Variants in PNPLA6 observed in about 807,000 individuals in gnomAD.
PNPLA6 encodes patatin-like phospholipase domain-containing protein 6.
In PNPLA6, 105 loss-of-function variants were observed where a neutral mutation model predicts 153.7. The ratio of observed to expected loss-of-function variants is 0.68; its 90% CI spans 0.58 to 0.80. PNPLA6 has a LOEUF of 0.80. Ranked by LOEUF, PNPLA6 falls within the 30% of genes least tolerant of loss-of-function variation. The probability of loss-of-function intolerance (pLI) is 0.00; values close to 1 mark genes in which losing one functional copy is unlikely to be tolerated. For synonymous variants in PNPLA6, 825 were observed against 822.2 expected, an observed-to-expected ratio of 1.00 and a Z score of -0.06; for missense variants, 1,423 against 1,919.3, an observed-to-expected ratio of 0.74 and a Z score of 4.83.
chr19:7,547,545 G>A (rs2023434441), intron 13 of PNPLA6, among the ~76,000 whole-genome samples: 1 of 152,058 alleles, frequency 6.6e-6, no homozygotes, highest in Non-Finnish European at 1.5e-5. Flanking sequence ...TGTTGCCCAG[G>A]CTGGTCTCCA....
intron 3 of PNPLA6, among the ~76,000 whole-genome samples, chr19:7,539,189 T>C (rs1277587281): frequency 1.3e-5 from 2 of 152,196 alleles, no homozygotes; most frequent in East Asian, 3.8e-4. Context: ...CCAAAATAAA[T>C]GTGGCCAGCC....
Position 7,555,525 on chromosome 19 carries a change from T to C in PNPLA6, c.2937-82T>C, listed in dbSNP as rs958522080. ...GGGCGGGTCCTTTGTTCCTTAGCAGTGCGGGAGGTGGGAGGAGGTAGGGGC... is the reference window on the plus strand; with the variant it reads ...GGGCGGGTCCTTTGTTCCTTAGCAGCGCGGGAGGTGGGAGGAGGTAGGGGC... On this transcript the variant is annotated intron_variant, in intron 23 of 31. Coordinates refer to ENST00000600737, the MANE Select transcript of PNPLA6 (RefSeq NM_001166114.2). The surrounding 1 kb of genome is among the most constrained non-coding windows in gnomAD (Gnocchi z 6.3). 1 of 1,503,976 alleles carries C rather than the reference T, an allele frequency of 6.6e-7. No individual in the cohort carries two copies. Among genetic ancestry groups the C allele is most frequent in the African/African-American group, 1.4e-5 (1 of 72,624 alleles). 93.2% of individuals were successfully genotyped at this position (1,503,976 alleles called of 1,614,324 possible).
rs1224733072 is a variant in PNPLA6, at chr19:7,547,800, G to T, written c.1609-2107G>T. ...CTATAGACACATGCTACCATGCCTG[G>T]CTAATTAAAAATTTTTTTTTTTTTT... On this transcript the variant is annotated intron_variant, in intron 13 of 31. Transcript: ENST00000600737. 8.3e-5 allele frequency among the ~76,000 whole-genome samples: 6 copies of T among 72,434 alleles called. 1 individual carries two copies. In the South Asian group the frequency reaches 3.1e-3, roughly 37 times the overall value. 47.5% of individuals were successfully genotyped at this position (72,434 alleles called of 152,430 possible).
In PNPLA6 at chr19:7,536,512, AG is replaced by A; in HGVS notation, c.381del (p.Lys128ArgfsTer3). The A allele has an allele frequency of 6.2e-7, 1 of 1,613,896 alleles. No homozygotes were observed. Among genetic ancestry groups the A allele is most frequent in the Non-Finnish European group, 8.5e-7 (1 of 1,179,766 alleles). ...CTCCGCCACCTCCCGGCCACGCATGAGGAAGAAACTGAAGATGCTCAACATT... is the reference window on the plus strand; with the variant it reads ...CTCCGCCACCTCCCGGCCACGCATGAGAAGAAACTGAAGATGCTCAACATT... ...SVSATSRPRM[R>X]KKLKMLNIAK... On this transcript the variant is annotated frameshift_variant, in exon 3 of 32. Coordinates refer to ENST00000600737, the MANE Select transcript of PNPLA6 (RefSeq NM_001166114.2). LOFTEE classifies it high-confidence loss of function.
At chr19:7,537,969 A>C (rs1185311219) in intron 3 of PNPLA6, among the ~76,000 whole-genome samples, 1 of 151,830 alleles carries the variant, frequency 6.6e-6, no homozygotes, top group Non-Finnish European at 1.5e-5. Context: ...AGTTGAGTAG[A>C]AGGACTATCT....
At chr19:7,559,284 G>C (rs2024011403) in intron 28 of PNPLA6, 133 bp downstream of exon 28, 1 of 789,714 alleles carries the variant, frequency 1.3e-6, no homozygotes, top group African/African-American at 1.7e-5. Context: ...CTGGAAAACA[G>C]ATCAGTGATC....
chr19:7,555,195 T>C lies in PNPLA6; in HGVS notation c.2818-54T>C, dbSNP rs548355313. 810 of 1,526,904 alleles carry C rather than the reference T, an allele frequency of 5.3e-4. 11 individuals carry two copies. In the East Asian group the frequency reaches 0.018, roughly 34 times the overall value. 94.6% of individuals were successfully genotyped at this position (1,526,904 alleles called of 1,614,324 possible). A position where few individuals can be genotyped will look rare whatever the true frequency, so the allele number is the denominator to read the frequency against. ...CGAAGGTCAGGGTACCCCTGGGGGA[T>C]CCGCCGGACCCCGCCCTCATGCTCC... On this transcript the variant is annotated intron_variant, in intron 22 of 31. Coordinates refer to ENST00000600737, the MANE Select transcript of PNPLA6 (RefSeq NM_001166114.2). This position sits in a 1 kb window ranked among gnomAD's most constrained non-coding sequence, Gnocchi z 6.3.
Position 7,554,979 on chromosome 19 carries a change from C to T in PNPLA6, c.2721C>T (p.Arg907=). The part of the protein sequence containing the change: ...LHREEGAGPT[R]TVEWLNMRSW... ...GAGAGGAGGGCGCGGGCCCCACGCG[C>T]ACCGTGGAGTGGCTAAATATGCGCA... The change falls in exon 22 of 32, where the codon CGC becomes CGT. Residue 907 remains arginine, a synonymous_variant. Coordinates refer to ENST00000600737, the MANE Select transcript of PNPLA6 (RefSeq NM_001166114.2). 6.3e-7 allele frequency: 1 copy of T among 1,593,278 alleles called. No individual in the cohort carries two copies.
chr19:7,551,189 C>T (rs1436421766), intron 17 of PNPLA6, 82 bp downstream of exon 17: 5 of 491,882 alleles, frequency 1.0e-5, no homozygotes, highest in Non-Finnish European at 1.8e-5. Flanking sequence ...GTGGGCGGGG[C>T]TTACAGAGGG....
rs1208680116 is a variant in PNPLA6, at chr19:7,554,910, G to A, written c.2652G>A (p.Glu884=). 5.0e-6 allele frequency: 8 copies of A among 1,587,156 alleles called. No homozygotes were observed. Among genetic ancestry groups the A allele is most frequent in the Non-Finnish European group, 6.0e-6 (7 of 1,172,198 alleles). Residue 884 remains glutamate, a synonymous_variant, in exon 22 of 32, where the codon GAG becomes GAA. Transcript: ENST00000600737. ...PTLGQLEQML[E]NTAVRALKQL... ...TTCCGCAGCTGGAGCAGATGCTGGA[G>A]AACACGGCTGTGCGCGCCCTTAAGC...
At chr19:7,535,692 CG>C (rs1236849814), upstream of PNPLA6, 3 of 1,525,966 alleles carry the variant, frequency 2.0e-6, no homozygotes, top group African/African-American at 4.1e-5. This position sits in a 1 kb window ranked among gnomAD's most constrained non-coding sequence, Gnocchi z 5.0. Context: ...TGCGTCCGCT[CG>C]GGCGGAACTA....
chr19:7,554,182 C>T, intron 19 of PNPLA6, 27 bp from the exon 20 acceptor site: 1 of 1,610,586 alleles, frequency 6.2e-7, no homozygotes, highest in African/African-American at 1.3e-5. Flanking sequence ...CCATGGTTCC[C>T]AGCCTCCCTT....
chr19:7,542,101 G>A (rs2023176020), intron 10 of PNPLA6, 34 bp downstream of exon 10: 1 of 1,563,906 alleles, frequency 6.4e-7, no homozygotes, highest in Non-Finnish European at 8.7e-7. Flanking sequence ...GAGGGCCATG[G>A]AGCTTCCAGG....
At position 7,542,827 on chromosome 19, in the gene PNPLA6, T is replaced by G. The variant is rs2023217607; in HGVS notation, c.1429T>G (p.Ser477Ala). Residue 477 changes from serine (S) to alanine (A), a missense_variant, in exon 12 of 32, where the codon TCG becomes GCG. Coordinates refer to ENST00000600737, the MANE Select transcript of PNPLA6 (RefSeq NM_001166114.2). The part of the protein sequence containing the change: ...ACEYSYCEDE[S>A]ATGGCPFGPY... ...TGAATACAGCTACTGTGAGGATGAG[T>G]CGGCCACTGGTGGCTGCCCTTTCGG... is the stretch of plus-strand genomic sequence containing the variant. The G allele has an allele frequency of 6.2e-7, 1 of 1,612,940 alleles. No homozygotes were observed. Among genetic ancestry groups the G allele is most frequent in the Non-Finnish European group, 8.5e-7 (1 of 1,179,886 alleles).
rs777837588 is a variant in PNPLA6, at chr19:7,540,241, C to T, written c.647C>T (p.Pro216Leu). Residue 216 changes from proline (P) to leucine (L), a missense_variant, in exon 5 of 32, where the codon CCG becomes CTG. This residue lies in a region of PNPLA6 where 118 missense variants were observed against 158.8 expected (regional missense o/e 0.74). Transcript: ENST00000600737. This position sits in a 1 kb window ranked among gnomAD's most constrained non-coding sequence, Gnocchi z 6.8. The stretch of plus-strand genomic sequence containing the variant: ...GGCCAGGGTGACTACGTCTTCCGGC[C>T]GGGCCAGCCAGATGCCAGCATCTAC... ...RLGQGDYVFR[P>L]GQPDASIYVV... 6 of 1,609,180 alleles carry T rather than the reference C, an allele frequency of 3.7e-6. No individual in the cohort carries two copies. The highest frequency in any genetic ancestry group is 4.5e-5 in the East Asian group (2 of 44,886).
chr19:7,536,490 C>T lies in PNPLA6; in HGVS notation c.357C>T (p.Ser119=), dbSNP rs143109037. The T allele has an allele frequency of 2.1e-5, 34 of 1,613,964 alleles. No homozygotes were observed. Among genetic ancestry groups the T allele is most frequent in the Non-Finnish European group, 2.5e-5 (30 of 1,179,846 alleles). The change falls in exon 3 of 32, where the codon TCC becomes TCT. Residue 119 remains serine, a synonymous_variant. Coordinates refer to ENST00000600737, the MANE Select transcript of PNPLA6 (RefSeq NM_001166114.2). ...STSSLVDTSV[S]ATSRPRMRKK... ...CCTCCCTCGTGGATACCTCTGTCTC[C>T]GCCACCTCCCGGCCACGCATGAGGA...
Position 7,541,986 on chromosome 19 carries a change from G to A in PNPLA6, c.1171G>A (p.Asp391Asn), listed in dbSNP as rs772187334. ...TGAPLPGPTG[D>N]PVKPTSLETP... is the part of the protein sequence containing the mutation. The stretch of plus-strand genomic sequence containing the variant: ...GCCTGAACATGTGTCTCCCCCAGGG[G>A]ACCCTGTGAAGCCCACATCCCTGGA... Residue 391 changes from aspartate (D) to asparagine (N), a missense_variant and splice_region_variant, in exon 10 of 32, where the codon GAC (aspartate) becomes AAC (asparagine). Coordinates refer to ENST00000600737, the MANE Select transcript of PNPLA6 (RefSeq NM_001166114.2). This position sits in a 1 kb window ranked among gnomAD's most constrained non-coding sequence, Gnocchi z 5.2. 2.5e-6 allele frequency: 4 copies of A among 1,607,784 alleles called. No individual in the cohort carries two copies. The highest frequency in any genetic ancestry group is 1.3e-5 in the African/African-American group (1 of 74,898).
chr19:7,559,957 T>C (rs914274395), intron 28 of PNPLA6, among the ~76,000 whole-genome samples: 1 of 151,960 alleles, frequency 6.6e-6, no homozygotes, highest in African/African-American at 2.4e-5. Context: ...CTGGTCAACA[T>C]GGTGAAACCT....
intron 3 of PNPLA6, 69 bp from the exon 4 acceptor site, chr19:7,539,849 G>C: frequency 4.7e-6 from 5 of 1,061,228 alleles, no homozygotes; most frequent in African/African-American, 1.6e-5. Context: ...AGGGGTATGC[G>C]GGGGTCTTAG....
Sources: allele counts gnomAD v4.1 joint callset (sites outside exome capture counted in the v4.1 genomes callset), GRCh38; gene constraint gnomAD v4.1.1; regional missense constraint gnomAD v4.1.1; non-coding constraint Gnocchi (gnomAD v3.1); transcripts MANE v1.5; gene names NCBI Gene and HGNC (gene_info 2026-07-23, HGNC 2026-07-21).